Variants in LIMS2 observed in about 807,000 individuals in gnomAD.
LIMS2 encodes LIM zinc finger domain containing 2.
LIMS2 carries 30 observed loss-of-function variants against 45.3 expected under a neutral mutation model. The observed-to-expected ratio is 0.66, with a 90% CI of 0.50 to 0.90. The LOEUF (loss-of-function observed/expected upper bound fraction) is 0.90, where lower values mean the gene tolerates loss of function less well. Ranked by LOEUF, LIMS2 falls within the 40% of genes least tolerant of loss-of-function variation. The pLI is 0.00. For missense variants in LIMS2, 485 were observed against 468.7 expected (o/e 1.03, Z -0.32); for synonymous variants, 173 against 188.0 (o/e 0.92, Z 0.65).
intron 6 of LIMS2, 97 bp from the exon 7 acceptor site, chr2:127,641,085 G>C: frequency 3.2e-6 from 3 of 924,252 alleles, no homozygotes; most frequent in Non-Finnish European, 5.2e-6. Flanking sequence ...CCAGGAGCCA[G>C]TGACTCCAGG....
intron 1 of LIMS2, among the ~76,000 whole-genome samples, chr2:127,670,009 C>T (rs546567757): frequency 6.6e-6 from 1 of 152,310 alleles, no homozygotes; most frequent in Non-Finnish European, 1.5e-5. Flanking sequence ...GAAATTGGAA[C>T]CTTCATACAT....
rs200231493 is a variant in LIMS2 at position 127,657,431 on chromosome 2, C to G, written c.143G>C (p.Arg48Pro). 1 of 1,613,880 alleles carries G rather than the reference C, an allele frequency of 6.2e-7. No homozygotes were observed. Residue 48 changes from arginine to proline, a missense_variant, in exon 2 of 10, where the codon CGG becomes CCG. By Grantham distance (103) the Arg-to-Pro change is moderately radical. Coordinates refer to ENST00000355119, the MANE Select transcript of LIMS2 (RefSeq NM_001161403.3). Reference protein sequence around the residue: ...EHCFVCAQCFRPFPEGLFYEF... With the variant: ...EHCFVCAQCFPPFPEGLFYEF... ...ATAGAAGAGCCCCTCGGGGAAGGGC[C>G]GGAAGCACTGGGCACACACGAAGCA...
intron 4 of LIMS2, 105 bp downstream of exon 4, chr2:127,654,319 G>C (rs1405690681): frequency 1.3e-6 from 2 of 1,499,246 alleles, no homozygotes; most frequent in Non-Finnish European, 1.8e-6. Context: ...TGCAGCACCG[G>C]GACCCTTCTG....
intron 4 of LIMS2, among the ~76,000 whole-genome samples, chr2:127,648,566 G>A (rs1683250880): frequency 6.6e-6 from 1 of 152,250 alleles, no homozygotes; most frequent in East Asian, 1.9e-4. Context: ...TGCCCTCTCT[G>A]CCCCGTGCCA....
chr2:127,674,041 G>A, intron 1 of LIMS2: 1 of 390,476 alleles, frequency 2.6e-6, no homozygotes. Flanking sequence ...TTCCTGGGCT[G>A]CCCTGAGACC....
At chr2:127,680,510 G>A (rs1685592429), upstream of LIMS2, among the ~76,000 whole-genome samples, 1 of 152,222 alleles carries the variant, frequency 6.6e-6, no homozygotes, top group Non-Finnish European at 1.5e-5. Context: ...CCTCAGAACT[G>A]TCATTAGACA....
intron 1 of LIMS2, among the ~76,000 whole-genome samples, chr2:127,669,462 C>T (rs534489166): frequency 8.6e-5 from 13 of 152,038 alleles, no homozygotes; most frequent in Non-Finnish European, 1.5e-4. Flanking sequence ...GCCTGTAATC[C>T]CAGCACTTTG....
At chr2:127,659,799 AC>A (rs34157785) in intron 1 of LIMS2, among the ~76,000 whole-genome samples, 2 of 151,906 alleles carry the variant, frequency 1.3e-5, no homozygotes, top group African/African-American at 2.4e-5. Flanking sequence ...CATCCCTCGC[AC>A]CCCCTTCCAG....
chr2:127,669,024 T>C (rs879808820), intron 1 of LIMS2, among the ~76,000 whole-genome samples: 1 of 151,832 alleles, frequency 6.6e-6, no homozygotes, highest in Non-Finnish European at 1.5e-5. Context: ...CCCAGGGAGG[T>C]TGAGACTGCA....
intron 1 of LIMS2, among the ~76,000 whole-genome samples, chr2:127,665,697 T>G (rs1265130337): frequency 6.6e-6 from 1 of 152,314 alleles, no homozygotes; most frequent in South Asian, 2.1e-4. Context: ...AAAATGTTCT[T>G]AACAGCAGCT....
rs1249975827 is a variant in LIMS2, at chr2:127,667,190, C to T, written c.11+7824G>A. Among the ~76,000 whole-genome samples, 2 of 152,184 alleles carry T rather than the reference C, an allele frequency of 1.3e-5. No individual in the cohort carries two copies. The highest frequency in any genetic ancestry group is 4.8e-5 in the African/African-American group (2 of 41,452). ...CCTATAATCCCAGCTACTCAGGAGG[C>T]TGAGGCAGGAGAATCACTTGAACCT... On this transcript the variant is annotated intron_variant, in intron 1 of 9. Coordinates refer to ENST00000355119, the MANE Select transcript of LIMS2 (RefSeq NM_001161403.3). This position sits in a 1 kb window ranked among gnomAD's most constrained non-coding sequence, Gnocchi z 4.1.
Position 127,642,176 on chromosome 2 carries a change from C to G in LIMS2, c.533G>C (p.Arg178Pro), listed in dbSNP as rs144584729. The G allele has an allele frequency of 5.1e-6, 8 of 1,569,852 alleles. No homozygotes were observed. Among genetic ancestry groups the G allele is most frequent in the Non-Finnish European group, 6.9e-6 (8 of 1,153,146 alleles). Residue 178 changes from arginine (R) to proline (P), a missense_variant, in exon 6 of 10, where the codon CGC (arginine) becomes CCC (proline). Physicochemically the swap from Arg to Pro is moderately radical, Grantham distance 103. Coordinates refer to ENST00000355119, the MANE Select transcript of LIMS2 (RefSeq NM_001161403.3). The surrounding 1 kb of genome is among the most constrained non-coding windows in gnomAD (Gnocchi z 5.3). ...HCGKELTAEARELKGELYCLP... is the reference protein window; with the variant it reads ...HCGKELTAEAPELKGELYCLP... The stretch of plus-strand genomic sequence containing the variant: ...GCAGTAGAGCTCACCCTTCAGCTCG[C>G]GGGCCTCGGCTGTCAGCTCCTTCCT...
chr2:127,668,231 G>A (rs939298058), intron 1 of LIMS2, among the ~76,000 whole-genome samples: 2 of 152,094 alleles, frequency 1.3e-5, no homozygotes, highest in Admixed American at 6.6e-5. Context: ...TTGTTAAGAT[G>A]GCAATACAAC....
exon 1 of LIMS2, chr2:127,681,554 C>T (rs920240988): frequency 6.6e-6 from 1 of 152,392 alleles, no homozygotes; most frequent in African/African-American, 2.4e-5. Context: ...GCCGGAGGCA[C>T]CTTGGGGTCA....
At chr2:127,649,948 C>A in intron 4 of LIMS2, 1 of 1,384,764 alleles carries the variant, frequency 7.2e-7, no homozygotes, top group Admixed American at 1.9e-5. Context: ...AGAGAAAATA[C>A]TCCCAGCTGG....
At chr2:127,654,761 GC>G (rs1044761255) in intron 3 of LIMS2, 68 bp downstream of exon 3, 1 of 1,545,292 alleles carries the variant, frequency 6.5e-7, no homozygotes, top group Non-Finnish European at 8.9e-7. Flanking sequence ...TACCCCCTCG[GC>G]CCCCTGCCCC....
At chr2:127,661,261 T>G (rs1684636359) in intron 1 of LIMS2, among the ~76,000 whole-genome samples, 1 of 152,198 alleles carries the variant, frequency 6.6e-6, no homozygotes, top group South Asian at 2.1e-4. Context: ...CGTTCTCTTT[T>G]GTAAAGAGGT....
chr2:127,651,581 C>T (rs762125947), intron 4 of LIMS2: 20 of 1,613,040 alleles, frequency 1.2e-5, no homozygotes, highest in Admixed American at 1.7e-5. Context: ...ACCGCATCAC[C>T]TCCTGCCTCA....
At chr2:127,651,604 G>A in intron 4 of LIMS2, 1 of 1,613,450 alleles carries the variant, frequency 6.2e-7, no homozygotes, top group Non-Finnish European at 8.5e-7. Flanking sequence ...AGCCTCAACG[G>A]GGCACTCGAC....
Sources: allele counts gnomAD v4.1 joint callset (sites outside exome capture counted in the v4.1 genomes callset), GRCh38; gene constraint gnomAD v4.1.1; non-coding constraint Gnocchi (gnomAD v3.1); transcripts MANE v1.5; gene names NCBI Gene and HGNC (gene_info 2026-07-23, HGNC 2026-07-21).